Variants in COTL1 observed in about 807,000 individuals in gnomAD.
COTL1 encodes coactosin-like protein.
COTL1 carries 15 observed loss-of-function variants against 16.5 expected under a neutral mutation model. That is an observed-to-expected ratio of 0.91 (90% CI 0.61 to 1.40). The LOEUF (loss-of-function observed/expected upper bound fraction) is 1.40. Among genes scored for constraint, COTL1 ranks in the 40% most tolerant of loss-of-function variants. The probability of loss-of-function intolerance (pLI) is 0.00; values close to 1 mark genes in which losing one functional copy is unlikely to be tolerated. For synonymous variants in COTL1, 112 were observed against 85.3 expected, an observed-to-expected ratio of 1.31 and a Z score of -1.73; for missense variants, 220 against 201.5, an observed-to-expected ratio of 1.09 and a Z score of -0.56.
intron 3 of COTL1, among the ~76,000 whole-genome samples, chr16:84,572,153 C>G (rs578094845): frequency 6.6e-6 from 1 of 152,238 alleles, no homozygotes; most frequent in African/African-American, 2.4e-5. Flanking sequence ...GTTTTCAAAA[C>G]GAGGCAGAAG....
At chr16:84,569,832 G>C (rs2966310) in intron 3 of COTL1, among the ~76,000 whole-genome samples, 9,003 of 152,286 alleles carry the variant, frequency 0.059, 478 homozygotes, top group African/African-American at 0.14. Flanking sequence ...GGGGCAGAGA[G>C]CTTTCAGAAG....
At chr16:84,574,206 G>A (rs1442672925) in intron 3 of COTL1, among the ~76,000 whole-genome samples, 1 of 152,198 alleles carries the variant, frequency 6.6e-6, no homozygotes, top group African/African-American at 2.4e-5. Context: ...AGGGGACGCA[G>A]TTCATCCCAG....
Position 84,617,997 on chromosome 16 carries a change from C to A in COTL1, c.-83G>T. 2 of 982,688 alleles carry A rather than the reference C, an allele frequency of 2.0e-6. No homozygotes were observed. The highest frequency in any genetic ancestry group is 5.5e-5 in the South Asian group (2 of 36,470). The allele number at this position is 982,688 out of a possible 1,614,324, so 60.9% of individuals were successfully genotyped here. A position where few individuals can be genotyped will look rare whatever the true frequency, so the allele number is the denominator to read the frequency against. The stretch of plus-strand genomic sequence containing the variant: ...GGCGGGGATGGGAGCGCGGCGGGTA[C>A]GCGCCGAGGGCGCACGGGCTGGCGG... On this transcript the variant is annotated 5_prime_UTR_variant, in exon 1 of 4. Transcript: ENST00000262428.
chr16:84,603,861 A>T (rs1905153574), intron 2 of COTL1, among the ~76,000 whole-genome samples: 1 of 151,852 alleles, frequency 6.6e-6, no homozygotes. Context: ...AAGTGATCAG[A>T]ATAAAATGCG....
Position 84,618,044 on chromosome 16 carries a change from G to A in COTL1, c.-130C>T, listed in dbSNP as rs1472393787. Reference sequence around the variant, plus strand: ...GCGGCGGTGGCGACGGCTACGCGGCGCCTGCAAGCTGCGAGCGCGGCGGCG... The same window carrying A: ...GCGGCGGTGGCGACGGCTACGCGGCACCTGCAAGCTGCGAGCGCGGCGGCG... On this transcript the variant is annotated 5_prime_UTR_variant, in exon 1 of 4. Transcript: ENST00000262428. The A allele has an allele frequency of 1.4e-5, 5 of 360,516 alleles. No homozygotes were observed. The highest frequency in any genetic ancestry group is 4.4e-5 in the African/African-American group (2 of 44,954). 22.3% of individuals were successfully genotyped at this position (360,516 alleles called of 1,614,324 possible).
At chr16:84,572,604 G>A (rs1214668726) in intron 3 of COTL1, among the ~76,000 whole-genome samples, 7 of 152,038 alleles carry the variant, frequency 4.6e-5, no homozygotes, top group African/African-American at 1.7e-4. Context: ...AGAAATACAG[G>A]CACAAGCCAC....
At chr16:84,617,757 C>A in intron 1 of COTL1, 81 bp downstream of exon 1, 1 of 1,453,144 alleles carries the variant, frequency 6.9e-7, no homozygotes, top group Non-Finnish European at 9.4e-7. Context: ...CCGAATCCGT[C>A]CCGCCTGGAG....
chr16:84,589,569 T>A (rs1904811284), intron 3 of COTL1, among the ~76,000 whole-genome samples: 2 of 151,688 alleles, frequency 1.3e-5, no homozygotes, highest in Admixed American at 6.6e-5. Flanking sequence ...CGGGGTTACC[T>A]TTTGGAGTTC....
At chr16:84,602,674 G>A (rs1021176724) in intron 2 of COTL1, among the ~76,000 whole-genome samples, 4 of 152,052 alleles carry the variant, frequency 2.6e-5, no homozygotes, top group Admixed American at 1.3e-4. Context: ...GGCCAACCCG[G>A]CAAAACCCTG....
Position 84,617,873 on chromosome 16 carries a change from G to T in COTL1, c.42C>A (p.Tyr14Ter). Reference sequence around the variant, plus strand: ...CCGAGCCGTCGTCGCGCACCAGGTTGTACGCCGCCCGGCAAGCCTCTTTGT... The same window carrying T: ...CCGAGCCGTCGTCGCGCACCAGGTTTTACGCCGCCCGGCAAGCCTCTTTGT... ...KIDKEACRAAYNLVRDDGSAV... is the reference protein window; with the variant it reads ...KIDKEACRAA Residue 14 changes from tyrosine (Y) to a stop codon, truncating the protein, a stop_gained, in exon 1 of 4, where the codon TAC becomes TAA. Coordinates refer to ENST00000262428, the MANE Select transcript of COTL1 (RefSeq NM_021149.5). LOFTEE classifies it high-confidence loss of function. 2 of 1,575,242 alleles carry T rather than the reference G, an allele frequency of 1.3e-6. No individual in the cohort carries two copies. The highest frequency in any genetic ancestry group is 2.7e-5 in the African/African-American group (2 of 74,154).
intron 2 of COTL1, among the ~76,000 whole-genome samples, chr16:84,603,328 A>T (rs1905139191): frequency 6.6e-6 from 1 of 152,190 alleles, no homozygotes; most frequent in African/African-American, 2.4e-5. Context: ...CTCTTCCCAA[A>T]GGACTGAGGC....
intron 2 of COTL1, among the ~76,000 whole-genome samples, chr16:84,608,877 ACTGGGTGACAGGGCACGACCTTG>A (rs1905263898): frequency 6.6e-6 from 1 of 152,038 alleles, no homozygotes; most frequent in African/African-American, 2.4e-5. Flanking sequence ...TGCACTCCAG[ACTGGGTGACAGGGCACGACCTTG>A]TCTCAAAAAT....
rs1445755596 is a variant in COTL1, at chr16:84,565,816, G to C, written c.*1029C>G. The stretch of plus-strand genomic sequence containing the variant: ...CTTTTGAATGTGTGGTGCAGACGCA[G>C]GACTGAAGCCACAGGCTTTTGGGGT... On this transcript the variant is annotated 3_prime_UTR_variant, in exon 4 of 4. Transcript: ENST00000262428. 6.6e-6 allele frequency: 1 copy of C among 152,276 alleles called. No individual in the cohort carries two copies. The highest frequency in any genetic ancestry group is 2.4e-5 in the African/African-American group (1 of 41,466). 9.4% of individuals were successfully genotyped at this position (152,276 alleles called of 1,614,324 possible). A position where few individuals can be genotyped will look rare whatever the true frequency, so the allele number is the denominator to read the frequency against.
At chr16:84,609,985 G>C (rs1027998534) in intron 2 of COTL1, among the ~76,000 whole-genome samples, 6 of 152,154 alleles carry the variant, frequency 3.9e-5, no homozygotes, top group Non-Finnish European at 8.8e-5. Flanking sequence ...AATTCCTACT[G>C]CGTGGTCCCA....
At chr16:84,598,596 T>G (rs1420599549) in intron 2 of COTL1, among the ~76,000 whole-genome samples, 1 of 151,404 alleles carries the variant, frequency 6.6e-6, no homozygotes, top group African/African-American at 2.4e-5. Context: ...GTCCTGGAGG[T>G]GCCTTTACGC....
At chr16:84,600,375 C>T (rs112571607) in intron 2 of COTL1, among the ~76,000 whole-genome samples, 3,133 of 148,996 alleles carry the variant, frequency 0.021, 105 homozygotes, top group African/African-American at 0.074. Context: ...TGCCGTGGCA[C>T]GATCTCAGCT....
intron 3 of COTL1, among the ~76,000 whole-genome samples, chr16:84,580,474 C>T (rs990678099): frequency 6.6e-6 from 1 of 152,160 alleles, no homozygotes; most frequent in Non-Finnish European, 1.5e-5. Flanking sequence ...TGGTCTGGAA[C>T]TCCTGGGCTC....
At chr16:84,608,553 T>C (rs1397416186) in intron 2 of COTL1, among the ~76,000 whole-genome samples, 2 of 152,208 alleles carry the variant, frequency 1.3e-5, no homozygotes, top group African/African-American at 2.4e-5. Flanking sequence ...AATGGGAGAC[T>C]GGATAGTGCA....
intron 2 of COTL1, among the ~76,000 whole-genome samples, chr16:84,612,646 G>A (rs891202754): frequency 2.6e-5 from 4 of 152,260 alleles, no homozygotes; most frequent in African/African-American, 9.6e-5. Flanking sequence ...TGCCGTGTGT[G>A]GTGGCACATG....
Sources: gnomAD v4.1 joint callset for allele counts (sites outside exome capture counted in the v4.1 genomes callset) on GRCh38, gnomAD v4.1.1 for gene constraint, MANE v1.5 for transcripts, NCBI Gene and HGNC (gene_info 2026-07-23, HGNC 2026-07-21) for gene names.